Variants in PATL2 observed in about 807,000 individuals in gnomAD.
The protein encoded by PATL2 is PAT1 homolog 2.
PATL2 carries 73 observed loss-of-function variants against 77.0 expected under a neutral mutation model. The observed-to-expected ratio is 0.95, with a 90% CI of 0.78 to 1.15. PATL2 has a LOEUF of 1.15. Ranked by LOEUF, PATL2 falls within the 50% of genes most tolerant of loss-of-function variation. The pLI is 0.00. For synonymous variants in PATL2, 265 were observed against 257.1 expected (o/e 1.03, Z -0.29); for missense variants, 618 against 655.4 (o/e 0.94, Z 0.62).
chr15:44,682,588 G>C (rs1048860667), intron 3 of PATL2, among the ~76,000 whole-genome samples: 1 of 152,208 alleles, frequency 6.6e-6, no homozygotes, highest in African/African-American at 2.4e-5. Flanking sequence ...CCACCTGGGT[G>C]TGTCCTACTC....
At chr15:44,694,510 C>T (rs1019076912) in intron 3 of PATL2, among the ~76,000 whole-genome samples, 5 of 152,158 alleles carry the variant, frequency 3.3e-5, no homozygotes, top group African/African-American at 9.6e-5. Flanking sequence ...CTTAAACTTC[C>T]GCTCCTAAAC....
rs759960434 is a variant in PATL2, at chr15:44,669,864, G to T, written c.789C>A (p.Ile263=). 3.9e-6 allele frequency: 6 copies of T among 1,551,564 alleles called. No homozygotes were observed. The Admixed American group carries it at 1.2e-4, about 30-fold the overall frequency. ...KAEAYESVVR[I]EGSLGQVAVS... is the part of the protein sequence containing the mutation. ...CAGCTACCTGGCCCAGGGAACCCTCGATTCGGACCACTGCATGAGAAGAGA... is the reference window on the plus strand; with the variant it reads ...CAGCTACCTGGCCCAGGGAACCCTCTATTCGGACCACTGCATGAGAAGAGA... Residue 263 remains isoleucine, a synonymous_variant, in exon 11 of 18, where the codon ATC becomes ATA. Transcript: ENST00000682850.
intron 3 of PATL2, among the ~76,000 whole-genome samples, chr15:44,691,273 C>G (rs2086385017): frequency 6.6e-6 from 1 of 151,994 alleles, no homozygotes; most frequent in Admixed American, 6.6e-5. Context: ...GGTAATTGTC[C>G]AATGATTTAT....
At chr15:44,676,695 C>T (rs1322010682) in intron 3 of PATL2, 130 bp from the exon 4 acceptor site, 6 of 1,189,550 alleles carry the variant, frequency 5.0e-6, no homozygotes, top group Middle Eastern at 3.0e-4. Flanking sequence ...AGGAGAGAGA[C>T]CCTGGGGTCT....
chr15:44,672,489 A>T, intron 7 of PATL2, 33 bp from the exon 8 acceptor site: 1 of 1,537,266 alleles, frequency 6.5e-7, no homozygotes, highest in Non-Finnish European at 8.8e-7. Context: ...GCTGGGTGGA[A>T]GGAAGCTCTC....
At chr15:44,679,982 A>T (rs1016732674) in intron 3 of PATL2, among the ~76,000 whole-genome samples, 2 of 152,210 alleles carry the variant, frequency 1.3e-5, no homozygotes. Context: ...TAATGTCAGC[A>T]TCTGTGCTGT....
chr15:44,675,724 A>C (rs1435877941), intron 4 of PATL2, 33 bp from the exon 5 acceptor site: 1 of 1,516,614 alleles, frequency 6.6e-7, no homozygotes, highest in Admixed American at 2.1e-5. Context: ...GGAGAAGGTA[A>C]GATGGGGCTC....
At position 44,672,465 on chromosome 15, in the gene PATL2, A is replaced by T. The variant is rs1422057869; in HGVS notation, c.447-9T>A. On this transcript the variant is annotated splice_polypyrimidine_tract_variant and intron_variant, in intron 7 of 17. Coordinates refer to ENST00000682850, the MANE Select transcript of PATL2 (RefSeq NM_001387263.1). ...GGAGCTGGGTCAGATGACTGGGAAG[A>T]CAAGAAGTAACGAGCTGGGTGGAAG... 1.3e-6 allele frequency: 2 copies of T among 1,550,784 alleles called. No homozygotes were observed. Among genetic ancestry groups the T allele is most frequent in the Admixed American group, 3.9e-5 (2 of 50,986 alleles).
intron 9 of PATL2, among the ~76,000 whole-genome samples, chr15:44,671,782 C>T (rs563670444): frequency 2.0e-5 from 3 of 152,186 alleles, no homozygotes; most frequent in South Asian, 4.1e-4. Flanking sequence ...GAGACAAAAC[C>T]CAAGTGTGTT....
Position 44,675,201 on chromosome 15 carries a change from A to C in PATL2, c.222+285T>G, listed in dbSNP as rs866512936. ...AGACAGAGGGGCCCAGGATCAGGCA[A>C]ACGTGACTCACCTTTAACGCTAGTA... On this transcript the variant is annotated intron_variant, in intron 5 of 17. Coordinates refer to ENST00000682850, the MANE Select transcript of PATL2 (RefSeq NM_001387263.1). 5 of 377,860 alleles carry C rather than the reference A, an allele frequency of 1.3e-5. No homozygotes were observed. In the Middle Eastern group the frequency reaches 2.2e-3, roughly 164 times the overall value. The allele number at this position is 377,860 out of a possible 1,614,324, so 23.4% of individuals were successfully genotyped here.
intron 3 of PATL2, among the ~76,000 whole-genome samples, chr15:44,679,995 G>A (rs2086097482): frequency 6.6e-6 from 1 of 152,190 alleles, no homozygotes; most frequent in Non-Finnish European, 1.5e-5. Context: ...TGTGCTGTAT[G>A]AGTTCCAGTG....
chr15:44,710,039 A>T (rs906568121), intron 3 of PATL2, among the ~76,000 whole-genome samples, 57 bp downstream of exon 3: 1 of 152,202 alleles, frequency 6.6e-6, no homozygotes, highest in Non-Finnish European at 1.5e-5. Flanking sequence ...CTGGTAGAAA[A>T]ACTAGGTAAA....
At chr15:44,686,841 C>T (rs1256818488) in intron 3 of PATL2, among the ~76,000 whole-genome samples, 10 of 152,028 alleles carry the variant, frequency 6.6e-5, no homozygotes, top group African/African-American at 2.2e-4. Flanking sequence ...TACACCCTCC[C>T]GAGACTAAAC....
At chr15:44,687,505 G>A (rs1014945030) in intron 3 of PATL2, among the ~76,000 whole-genome samples, 1 of 152,166 alleles carries the variant, frequency 6.6e-6, no homozygotes, top group Non-Finnish European at 1.5e-5. Flanking sequence ...ACAAGAAAAG[G>A]ATGCCTTCTC....
At position 44,681,312 on chromosome 15, in the gene PATL2, C is replaced by G. The variant is rs536964136; in HGVS notation, c.-75-4747G>C. Among the ~76,000 whole-genome samples the G allele has an allele frequency of 2.6e-5, 4 of 152,342 alleles. No homozygotes were observed. The East Asian group carries it at 5.8e-4, about 22-fold the overall frequency. On this transcript the variant is annotated intron_variant, in intron 3 of 17. Coordinates refer to ENST00000682850, the MANE Select transcript of PATL2 (RefSeq NM_001387263.1). ...GGGATTACAGATGTGAGCCACTTCT[C>G]TCGGCTGTGATTTCTTAACTGTAAG...
intron 3 of PATL2, among the ~76,000 whole-genome samples, chr15:44,689,453 A>G (rs1390199473): frequency 6.6e-6 from 1 of 152,242 alleles, no homozygotes; most frequent in Non-Finnish European, 1.5e-5. Context: ...AAAGACTTGG[A>G]ACCAACCCAA....
At position 44,668,330 on chromosome 15, in the gene PATL2, T is replaced by TA. The variant is rs1217343586; in HGVS notation, c.1365+11dup. On this transcript the variant is annotated intron_variant, in intron 15 of 17. Coordinates refer to ENST00000682850, the MANE Select transcript of PATL2 (RefSeq NM_001387263.1). ...AAGCCATCTATGGAAAAAAGCCTCCTAGACATGTTACCTGATTCTGAAGCA... is the reference window on the plus strand; with the variant it reads ...AAGCCATCTATGGAAAAAAGCCTCCTAAGACATGTTACCTGATTCTGAAGCA... The TA allele has an allele frequency of 6.5e-7, 1 of 1,549,334 alleles. No homozygotes were observed. The highest frequency in any genetic ancestry group is 1.2e-5 in the South Asian group (1 of 83,856).
At chr15:44,700,524 A>G (rs185580470) in intron 3 of PATL2, among the ~76,000 whole-genome samples, 5 of 151,214 alleles carry the variant, frequency 3.3e-5, no homozygotes, top group Middle Eastern at 6.8e-3. Context: ...CTGGTCTTGA[A>G]CTCCTGACCT....
chr15:44,683,474 G>A (rs930057967), intron 3 of PATL2, among the ~76,000 whole-genome samples: 1 of 152,224 alleles, frequency 6.6e-6, no homozygotes, highest in African/African-American at 2.4e-5. Context: ...AAGCCACCAG[G>A]AAGTTCAAAC....
Sources: gnomAD v4.1 joint callset for allele counts (sites outside exome capture counted in the v4.1 genomes callset) on GRCh38, gnomAD v4.1.1 for gene constraint, MANE v1.5 for transcripts, NCBI Gene and HGNC (gene_info 2026-07-23, HGNC 2026-07-21) for gene names.